Variants in ANKRD12 observed in about 807,000 individuals in gnomAD.
ANKRD12 encodes the protein ankyrin repeat domain 12, also known as ankyrin repeat domain-containing protein 12.
ANKRD12 carries 85 observed loss-of-function variants against 183.4 expected under a neutral mutation model. The ratio of observed to expected loss-of-function variants is 0.46; its 90% CI spans 0.39 to 0.56. The LOEUF is 0.56. ANKRD12 is among the 20% of genes least tolerant of loss of function. The probability of loss-of-function intolerance (pLI) is 0.00; values close to 1 mark genes in which losing one functional copy is unlikely to be tolerated. For missense variants in ANKRD12, 2,405 were observed against 2,357.1 expected (o/e 1.02, Z -0.42); for synonymous variants, 914 against 800.2 (o/e 1.14, Z -2.40).
At chr18:9,150,545 C>T (rs1444461793) in intron 1 of ANKRD12, among the ~76,000 whole-genome samples, 1 of 152,072 alleles carries the variant, frequency 6.6e-6, no homozygotes, top group Non-Finnish European at 1.5e-5. Context: ...TTGTTGAGGA[C>T]AGTTTATTGT....
chr18:9,183,126 C>A (rs2033818160), intron 2 of ANKRD12, among the ~76,000 whole-genome samples: 1 of 152,168 alleles, frequency 6.6e-6, no homozygotes, highest in African/African-American at 2.4e-5. Flanking sequence ...AGTCAGTCTC[C>A]ACTGCAACCC....
rs1345829671 is a variant in ANKRD12, at chr18:9,257,259, A to G, written c.3992A>G (p.Asn1331Ser). ...KQFQTISEESNQGSLLTVPGD... is the reference protein window; with the variant it reads ...KQFQTISEESSQGSLLTVPGD... ...TTCCAAACAATATCAGAAGAGAGCA[A>G]TCAAGGTAGCTTATTAACTGTGCCA... The change falls in exon 9 of 13, where the codon AAT (asparagine) becomes AGT (serine). Residue 1331 changes from asparagine (N) to serine (S), a missense_variant. Transcript: ENST00000262126. The G allele has an allele frequency of 6.2e-7, 1 of 1,614,164 alleles. No individual in the cohort carries two copies. The highest frequency in any genetic ancestry group is 2.2e-5 in the East Asian group (1 of 44,888).
chr18:9,205,903 A>G (rs1208728942), intron 4 of ANKRD12, among the ~76,000 whole-genome samples: 1 of 152,130 alleles, frequency 6.6e-6, no homozygotes, highest in African/African-American at 2.4e-5. Context: ...AGGTTTATGA[A>G]CCAAGTTCCC....
At chr18:9,175,682 C>T (rs1384164855) in intron 1 of ANKRD12, among the ~76,000 whole-genome samples, 1 of 151,862 alleles carries the variant, frequency 6.6e-6, no homozygotes, top group Admixed American at 6.6e-5. Flanking sequence ...CAGGTGCCAC[C>T]ATGCCCAGCT....
chr18:9,196,805 A>G (rs1215320793), intron 3 of ANKRD12, among the ~76,000 whole-genome samples: 2 of 152,006 alleles, frequency 1.3e-5, no homozygotes, highest in Admixed American at 6.6e-5. Flanking sequence ...GTGCTTTTTC[A>G]TTTTAAGCTA....
At chr18:9,244,581 T>C (rs953254182) in intron 8 of ANKRD12, among the ~76,000 whole-genome samples, 1 of 152,196 alleles carries the variant, frequency 6.6e-6, no homozygotes, top group Non-Finnish European at 1.5e-5. Flanking sequence ...TGAAGAGTGT[T>C]ACCAAGAAAA....
At chr18:9,215,067 T>G (rs1310823176) in intron 6 of ANKRD12, among the ~76,000 whole-genome samples, 1 of 152,102 alleles carries the variant, frequency 6.6e-6, no homozygotes, top group Non-Finnish European at 1.5e-5. Flanking sequence ...GTGGCTTCAG[T>G]CCACTGATAG....
chr18:9,167,329 T>C (rs1046550847), intron 1 of ANKRD12, among the ~76,000 whole-genome samples: 6 of 152,254 alleles, frequency 3.9e-5, no homozygotes, highest in Admixed American at 6.5e-5. Context: ...TGTCATGATA[T>C]TGATTCTTCC....
intron 11 of ANKRD12, among the ~76,000 whole-genome samples, chr18:9,277,321 CTTTTTTTTTT>C (rs773999861): frequency 5.9e-5 from 5 of 84,652 alleles, no homozygotes; most frequent in African/African-American, 2.3e-4. Flanking sequence ...CACCCTGTTT[CTTTTTTTTTT>C]TTTTTTTTTT....
Position 9,191,560 on chromosome 18 carries a change from A to C in ANKRD12, c.88-3991A>C, listed in dbSNP as rs530371216. Among the ~76,000 whole-genome samples the C allele has an allele frequency of 7.9e-5, 12 of 152,196 alleles. No homozygotes were observed. In the South Asian group the frequency reaches 2.1e-3, roughly 26 times the overall value. On this transcript the variant is annotated intron_variant, in intron 2 of 12. Coordinates refer to ENST00000262126, the MANE Select transcript of ANKRD12 (RefSeq NM_015208.5). ...AGAAGGGATTTTTAAATGATTCTTA[A>C]ATCTTTTATTCGTAACAATGATTCA...
At position 9,162,327 on chromosome 18, in the gene ANKRD12, T is replaced by C. The variant is rs146217175; in HGVS notation, c.-51-20055T>C. ...GTTTTCTTTTCCTGTGTTAGTTTGCTGAGGATGATAACAGCTTCCAGCTCC... is the reference window on the plus strand; with the variant it reads ...GTTTTCTTTTCCTGTGTTAGTTTGCCGAGGATGATAACAGCTTCCAGCTCC... On this transcript the variant is annotated intron_variant, in intron 1 of 12. Coordinates refer to ENST00000262126, the MANE Select transcript of ANKRD12 (RefSeq NM_015208.5). 5.9e-3 allele frequency among the ~76,000 whole-genome samples: 904 copies of C among 152,182 alleles called. 5 individuals are homozygous for C. The highest frequency in any genetic ancestry group is 9.2e-3 in the Non-Finnish European group (628 of 68,000).
At chr18:9,226,398 C>G (rs1598616614) in intron 8 of ANKRD12, among the ~76,000 whole-genome samples, 1 of 151,716 alleles carries the variant, frequency 6.6e-6, no homozygotes, top group African/African-American at 2.4e-5. Context: ...ACACTCCAGC[C>G]TGGGCAACAA....
chr18:9,194,320 T>G (rs544846596), intron 2 of ANKRD12, among the ~76,000 whole-genome samples: 3 of 143,264 alleles, frequency 2.1e-5, no homozygotes, highest in African/African-American at 7.6e-5. Flanking sequence ...ACTACTGATA[T>G]AGATAATTTT....
intron 2 of ANKRD12, among the ~76,000 whole-genome samples, chr18:9,194,759 A>G (rs926298084): frequency 1.6e-4 from 24 of 152,336 alleles, no homozygotes; most frequent in Non-Finnish European, 2.2e-4. Flanking sequence ...TAATGGTTCT[A>G]TTCAAAATAT....
intron 1 of ANKRD12, among the ~76,000 whole-genome samples, chr18:9,146,381 T>G (rs1297060750): frequency 6.6e-6 from 1 of 152,050 alleles, no homozygotes; most frequent in Non-Finnish European, 1.5e-5. Context: ...ATAGTGAGAC[T>G]CCATCTACAA....
At position 9,283,552 on chromosome 18, in the gene ANKRD12, G is replaced by A. The variant is rs1052373002; in HGVS notation, c.*2426G>A. ...GAAATGCTAGAAAAAAATTTGGAAT[G>A]GAGTATATGCCTGAAAAGGTTTTGG... On this transcript the variant is annotated 3_prime_UTR_variant, in exon 13 of 13. Transcript: ENST00000262126. The A allele has an allele frequency of 6.6e-6, 1 of 152,552 alleles. No homozygotes were observed. The highest frequency in any genetic ancestry group is 1.5e-5 in the Non-Finnish European group (1 of 68,030). 9.4% of individuals were successfully genotyped at this position (152,552 alleles called of 1,614,324 possible). A position where few individuals can be genotyped will look rare whatever the true frequency, so the allele number is the denominator to read the frequency against.
chr18:9,256,104 C>A lies in ANKRD12; in HGVS notation c.2837C>A (p.Ser946Ter). Residue 946 changes from serine to a stop codon, truncating the protein, a stop_gained, in exon 9 of 13, where the codon TCA becomes TAA. Coordinates refer to ENST00000262126, the MANE Select transcript of ANKRD12 (RefSeq NM_015208.5). LOFTEE classifies it high-confidence loss of function. ...TCAGATAATAGTGAATACAGTAAAT[C>A]AGAAAAAGGCAAAAATAAAGAAAAA... ...KQSDNSEYSK[S>*]EKGKNKEKDR... 1 of 1,551,098 alleles carries A rather than the reference C, an allele frequency of 6.4e-7. No individual in the cohort carries two copies. The highest frequency in any genetic ancestry group is 8.6e-7 in the Non-Finnish European group (1 of 1,157,530).
intron 4 of ANKRD12, 132 bp from the exon 5 acceptor site, chr18:9,208,525 G>A (rs2035608438): frequency 3.3e-6 from 2 of 601,818 alleles, no homozygotes; most frequent in Admixed American, 4.0e-5. Context: ...GCTTTTGTCT[G>A]GCTACTACTA....
At chr18:9,188,278 A>G (rs1187059948) in intron 2 of ANKRD12, among the ~76,000 whole-genome samples, 1 of 152,220 alleles carries the variant, frequency 6.6e-6, no homozygotes, top group Non-Finnish European at 1.5e-5. Context: ...CAAATCTTTT[A>G]TGATGGGCAG....
Sources: allele counts gnomAD v4.1 joint callset (sites outside exome capture counted in the v4.1 genomes callset), GRCh38; gene constraint gnomAD v4.1.1; transcripts MANE v1.5; gene names NCBI Gene and HGNC (gene_info 2026-07-23, HGNC 2026-07-21).